The following COL19A1 variants were observed in gnomAD, a reference collection of about 807,000 sequenced individuals.
COL19A1 encodes collagen alpha-1(XIX) chain.
COL19A1 carries 159 observed loss-of-function variants against 190.2 expected under a neutral mutation model. That is an observed-to-expected ratio of 0.84 (90% CI 0.73 to 0.95). The LOEUF is 0.95. COL19A1 is among the 40% of genes least tolerant of loss of function. COL19A1 has a pLI of 0.00. For missense variants in COL19A1, 1,418 were observed against 1,431.9 expected (o/e 0.99, Z 0.16); for synonymous variants, 509 against 458.9 (o/e 1.11, Z -1.39).
chr6:70,062,341 T>C (rs971107695), intron 14 of COL19A1, among the ~76,000 whole-genome samples: 3 of 152,144 alleles, frequency 2.0e-5, no homozygotes, highest in Non-Finnish European at 4.4e-5. Flanking sequence ...TATTACTTTT[T>C]TATTCAAAAT....
intron 11 of COL19A1, among the ~76,000 whole-genome samples, chr6:70,021,218 T>C (rs975080075): frequency 1.3e-5 from 2 of 152,176 alleles, no homozygotes; most frequent in Non-Finnish European, 2.9e-5. Context: ...TTAAGCAGTA[T>C]GTTTCTTCTT....
At chr6:69,935,733 T>A in intron 7 of COL19A1, among the ~76,000 whole-genome samples, 1 of 152,046 alleles carries the variant, frequency 6.6e-6, no homozygotes, top group South Asian at 2.1e-4. Context: ...TATTTCCAAC[T>A]TTTATTTTAA....
intron 25 of COL19A1, 39 bp downstream of exon 25, chr6:70,145,046 T>G: frequency 1.6e-5 from 21 of 1,346,782 alleles, no homozygotes; most frequent in East Asian, 2.5e-5. Flanking sequence ...TTCTTGCAAG[T>G]TCATTAATTA....
rs142919808 is a variant in COL19A1 at position 70,040,181 on chromosome 6, C to A, written c.1170+4242C>A. Reference sequence around the variant, plus strand: ...ATCAAAAAAAATCTGATATGTAAAACCATCTATTTCATTAAATGTTACTTT... The same window carrying A: ...ATCAAAAAAAATCTGATATGTAAAAACATCTATTTCATTAAATGTTACTTT... On this transcript the variant is annotated intron_variant, in intron 14 of 50. Transcript: ENST00000620364. Among the ~76,000 whole-genome samples, 14 of 151,982 alleles carry A rather than the reference C, an allele frequency of 9.2e-5. 1 individual carries two copies. In the East Asian group the frequency reaches 1.9e-3, roughly 21 times the overall value.
chr6:69,921,481 T>C (rs200986464), intron 4 of COL19A1, among the ~76,000 whole-genome samples: 1 of 86,434 alleles, frequency 1.2e-5, no homozygotes, highest in Non-Finnish European at 2.0e-5. Context: ...CATATATTCA[T>C]ATATATTCAT....
chr6:69,963,102 G>C (rs1774896615), intron 11 of COL19A1, among the ~76,000 whole-genome samples: 1 of 151,976 alleles, frequency 6.6e-6, no homozygotes, highest in African/African-American at 2.4e-5. Context: ...AGTTAAATTT[G>C]TTTCATTGAC....
At chr6:69,969,449 A>G (rs929800360) in intron 11 of COL19A1, among the ~76,000 whole-genome samples, 1 of 152,204 alleles carries the variant, frequency 6.6e-6, no homozygotes, top group Non-Finnish European at 1.5e-5. Context: ...GTTCATTCAT[A>G]CAATTCGCCT....
intron 15 of COL19A1, among the ~76,000 whole-genome samples, chr6:70,093,120 T>G (rs1490101944): frequency 6.6e-6 from 1 of 152,132 alleles, no homozygotes; most frequent in Non-Finnish European, 1.5e-5. Flanking sequence ...CATGAGGCAT[T>G]GTGAAAGTGG....
In COL19A1 at chr6:70,201,742, A is replaced by G. The variant is rs540892457; in HGVS notation, c.3223+2006A>G. ...ATTGCAAAACATAGAATTCATTTTT[A>G]AGGAATATGTGTTTCTTAAAAATAT... On this transcript the variant is annotated intron_variant, in intron 49 of 50. Coordinates refer to ENST00000620364, the MANE Select transcript of COL19A1 (RefSeq NM_001858.6). Among the ~76,000 whole-genome samples, 217 of 152,362 alleles carry G rather than the reference A, an allele frequency of 1.4e-3. No individual in the cohort carries two copies. In the Middle Eastern group the frequency reaches 0.024, roughly 17 times the overall value.
chr6:69,946,910 G>T (rs72914572), intron 9 of COL19A1, among the ~76,000 whole-genome samples: 1 of 151,990 alleles, frequency 6.6e-6, no homozygotes, highest in Non-Finnish European at 1.5e-5. Context: ...AACTCTCACT[G>T]TAGGATTTTG....
rs1266763822 is a variant in COL19A1 at position 70,130,161 on chromosome 6, T to G, written c.1342-21T>G. The G allele has an allele frequency of 1.9e-6, 3 of 1,610,556 alleles. No homozygotes were observed. The African/African-American group carries it at 4.0e-5, about 22-fold the overall frequency. On this transcript the variant is annotated intron_variant, in intron 17 of 50. Transcript: ENST00000620364. ...ATTAGCGGATTTTTCTTTTGTATTTTAAATTGTTTTTCACCCCTAGGGAAA... is the reference window on the plus strand; with the variant it reads ...ATTAGCGGATTTTTCTTTTGTATTTGAAATTGTTTTTCACCCCTAGGGAAA...
intron 49 of COL19A1, among the ~76,000 whole-genome samples, chr6:70,201,261 G>A (rs1767532874): frequency 6.6e-6 from 1 of 152,164 alleles, no homozygotes; most frequent in Non-Finnish European, 1.5e-5. Flanking sequence ...TGGAACTGGG[G>A]TCTCCTGTTC....
chr6:70,101,598 A>G (rs1290570277), intron 15 of COL19A1, among the ~76,000 whole-genome samples: 1 of 152,208 alleles, frequency 6.6e-6, no homozygotes, highest in South Asian at 2.1e-4. Context: ...TGTAATTACA[A>G]TAGGGCTTAG....
intron 48 of COL19A1, among the ~76,000 whole-genome samples, chr6:70,191,752 T>C (rs595957): frequency 0.76 from 115,982 of 152,158 alleles, 45,069 homozygotes; most frequent in African/African-American, 0.91. Flanking sequence ...TCCATGTTGG[T>C]TCTCATGGTT....
rs146818884 is a variant in COL19A1, at chr6:70,180,333, C to A, written c.2689C>A (p.Pro897Thr). 1.9e-6 allele frequency: 3 copies of A among 1,614,150 alleles called. No individual in the cohort carries two copies. Among genetic ancestry groups the A allele is most frequent in the Non-Finnish European group, 2.5e-6 (3 of 1,180,008 alleles). The part of the protein sequence containing the change: ...GMSGKPGAPG[P>T]PGVPGEPGER... ...CCAGGGAAAACCTGGTGCCCCAGGG[C>A]CTCCAGGAGTTCCAGGGGAACCGGT... The change falls in exon 43 of 51, where the codon CCT (proline) becomes ACT (threonine). Residue 897 changes from proline to threonine, a missense_variant. By Grantham distance (38) the Pro-to-Thr change is conservative. Transcript: ENST00000620364.
At chr6:69,878,522 A>G (rs1004919645) in intron 1 of COL19A1, among the ~76,000 whole-genome samples, 1 of 152,042 alleles carries the variant, frequency 6.6e-6, no homozygotes, top group Non-Finnish European at 1.5e-5. Context: ...CTATATATAT[A>G]TTTTTTAAAA....
chr6:70,002,236 G>A (rs907703540), intron 11 of COL19A1, among the ~76,000 whole-genome samples: 29 of 152,246 alleles, frequency 1.9e-4, no homozygotes, highest in African/African-American at 6.5e-4. Flanking sequence ...TGGTGGATAC[G>A]TTTTTTGATG....
chr6:70,091,943 G>A (rs911363565), intron 15 of COL19A1, among the ~76,000 whole-genome samples: 4 of 152,216 alleles, frequency 2.6e-5, no homozygotes, highest in African/African-American at 4.8e-5. Flanking sequence ...TTAAGGAAGC[G>A]AAAAGTAGTA....
intron 9 of COL19A1, among the ~76,000 whole-genome samples, chr6:69,938,508 C>T (rs558936022): frequency 3.3e-5 from 5 of 151,532 alleles, no homozygotes; most frequent in Non-Finnish European, 5.9e-5. Context: ...TTTTTTTAAA[C>T]GGCCAACTTT....
Sources: gnomAD v4.1 joint callset for allele counts (sites outside exome capture counted in the v4.1 genomes callset) on GRCh38, gnomAD v4.1.1 for gene constraint, MANE v1.5 for transcripts, NCBI Gene and HGNC (gene_info 2026-07-23, HGNC 2026-07-21) for gene names.